BACH2: variants seen among roughly 807,000 people sequenced by gnomAD.
The protein encoded by BACH2 is BACH transcriptional regulator 2, also known as transcription regulator protein BACH2.
In BACH2, 5 loss-of-function variants were observed where a neutral mutation model predicts 61.8. The ratio of observed to expected loss-of-function variants is 0.08; its 90% CI spans 0.04 to 0.17. The LOEUF (loss-of-function observed/expected upper bound fraction) is 0.17. BACH2 is among the 10% of genes least tolerant of loss of function. BACH2 has a pLI of 1.00. For synonymous variants in BACH2, 446 were observed against 440.1 expected, an observed-to-expected ratio of 1.01 and a Z score of -0.17; for missense variants, 824 against 1,091.1, an observed-to-expected ratio of 0.76 and a Z score of 3.45.
chr6:90,254,365 G>A (rs1770910396), intron 2 of BACH2, among the ~76,000 whole-genome samples: 1 of 151,618 alleles, frequency 6.6e-6, no homozygotes, highest in Admixed American at 6.6e-5. Context: ...TTTTAAAATG[G>A]GTATATTAAA....
At chr6:90,091,884 T>C (rs1162113307) in intron 4 of BACH2, among the ~76,000 whole-genome samples, 2 of 152,182 alleles carry the variant, frequency 1.3e-5, no homozygotes, top group Non-Finnish European at 2.9e-5. Flanking sequence ...CTTTACTTCA[T>C]AATTTAAGCA....
At chr6:90,169,380 A>T (rs1220827974) in intron 4 of BACH2, among the ~76,000 whole-genome samples, 1 of 150,668 alleles carries the variant, frequency 6.6e-6, no homozygotes, top group East Asian at 1.9e-4. Flanking sequence ...ATGATGAAAA[A>T]CTCCCTCATG....
chr6:90,147,523 C>G (rs946293700), intron 4 of BACH2, among the ~76,000 whole-genome samples: 1 of 152,148 alleles, frequency 6.6e-6, no homozygotes, highest in South Asian at 2.1e-4. Context: ...TACCCTACAA[C>G]AGTAGTTTCA....
intron 6 of BACH2, among the ~76,000 whole-genome samples, chr6:89,976,373 C>T (rs1010738026): frequency 6.6e-6 from 1 of 152,238 alleles, no homozygotes; most frequent in Non-Finnish European, 1.5e-5. Context: ...CCTTAGGGGG[C>T]ATCTGTAAGG....
chr6:89,950,886 A>G lies in BACH2; in HGVS notation c.1220T>C (p.Met407Thr). The G allele has an allele frequency of 6.2e-7, 1 of 1,603,852 alleles. No homozygotes were observed. Among genetic ancestry groups the G allele is most frequent in the Non-Finnish European group, 8.5e-7 (1 of 1,174,376 alleles). The change falls in exon 7 of 9, where the codon ATG (methionine) becomes ACG (threonine). Residue 407 changes from methionine to threonine, a missense_variant. By Grantham distance (81) the Met-to-Thr change is moderately conservative (BLOSUM62 -1). Around this residue, in one of 8 missense-constraint regions of BACH2, gnomAD observed 226 missense variants for 228.5 expected, o/e 0.99. Coordinates refer to ENST00000257749, the MANE Select transcript of BACH2 (RefSeq NM_021813.4). This position sits in a 1 kb window ranked among gnomAD's most constrained non-coding sequence, Gnocchi z 5.3. ...CCCAGGCCCCCTGAGGGGCGACCCCATGGTGAAGTTGGACACCTCCTTCTG... is the reference window on the plus strand; with the variant it reads ...CCCAGGCCCCCTGAGGGGCGACCCCGTGGTGAAGTTGGACACCTCCTTCTG... Reference protein sequence around the residue: ...VGQKEVSNFTMGSPLRGPGLE... With the variant: ...VGQKEVSNFTTGSPLRGPGLE...
At chr6:89,977,311 T>C (rs1775704771) in intron 6 of BACH2, among the ~76,000 whole-genome samples, 1 of 152,240 alleles carries the variant, frequency 6.6e-6, no homozygotes, top group Non-Finnish European at 1.5e-5. Flanking sequence ...TAATCCTAAA[T>C]TCTGCTATTA....
chr6:90,008,649 G>A lies in BACH2; in HGVS notation c.196C>T (p.Leu66=). The A allele has an allele frequency of 6.2e-7, 1 of 1,614,172 alleles. No homozygotes were observed. Residue 66 remains leucine, a synonymous_variant, in exon 6 of 9, where the codon CTG becomes TTG. Transcript: ENST00000257749. The surrounding 1 kb of genome is among the most constrained non-coding windows in gnomAD (Gnocchi z 4.1). ...AAATCATTTTTTGTCTGTCCAACCA[G>A]CGCCTGCCAAAAATATTCACTGCAT... ...AACSEYFWQA[L]VGQTKNDLVV...
intron 2 of BACH2, among the ~76,000 whole-genome samples, chr6:90,260,276 T>C (rs985220013): frequency 7.2e-5 from 11 of 152,214 alleles, no homozygotes; most frequent in African/African-American, 2.7e-4. Context: ...AAGGCATTTT[T>C]TAAATTTATC....
Position 90,012,351 on chromosome 6 carries a change from C to A in BACH2, c.-12-3495G>T, listed in dbSNP as rs374739055. Among the ~76,000 whole-genome samples, 318 of 152,056 alleles carry A rather than the reference C, an allele frequency of 2.1e-3. 2 individuals carry two copies. Among genetic ancestry groups the A allele is most frequent in the African/African-American group, 7.0e-3 (292 of 41,488 alleles). On this transcript the variant is annotated intron_variant, in intron 5 of 8. Transcript: ENST00000257749. ...ATCATCTTGAATTTTTCTCAGCAGC[C>A]GGGCATGGTGGCTTACGCCTGTAAT...
In BACH2 at chr6:89,950,742, T is replaced by C. The variant is rs370180369; in HGVS notation, c.1364A>G (p.Asp455Gly). 1.2e-5 allele frequency: 19 copies of C among 1,614,110 alleles called. No homozygotes were observed. The highest frequency in any genetic ancestry group is 3.3e-4 in the Middle Eastern group (2 of 6,062). ...TGGCACCGGCTCAGAGAGGTCTTTGTCCAAACTGCTCACCCCAGAATAAGA... is the reference window on the plus strand; with the variant it reads ...TGGCACCGGCTCAGAGAGGTCTTTGCCCAAACTGCTCACCCCAGAATAAGA... ...VHSYSGVSSL[D>G]KDLSEPVPKG... Residue 455 changes from aspartate (D) to glycine (G), a missense_variant, in exon 7 of 9, where the codon GAC becomes GGC. Around this residue, in one of 8 missense-constraint regions of BACH2, gnomAD observed 102 missense variants for 98.1 expected, o/e 1.04. Transcript: ENST00000257749. This position sits in a 1 kb window ranked among gnomAD's most constrained non-coding sequence, Gnocchi z 5.3.
chr6:90,051,565 A>C (rs1422177500), intron 5 of BACH2, among the ~76,000 whole-genome samples: 1 of 152,194 alleles, frequency 6.6e-6, no homozygotes, highest in African/African-American at 2.4e-5. Flanking sequence ...TTTTACAAAA[A>C]AAGTTTACCA....
chr6:90,231,575 A>G (rs1324113213), intron 3 of BACH2, among the ~76,000 whole-genome samples: 1 of 152,198 alleles, frequency 6.6e-6, no homozygotes, highest in Non-Finnish European at 1.5e-5. Flanking sequence ...GGCAACCCCT[A>G]GATGTTAGAT....
intron 6 of BACH2, among the ~76,000 whole-genome samples, chr6:89,964,280 G>A (rs967781895): frequency 9.2e-5 from 14 of 151,824 alleles, no homozygotes; most frequent in Admixed American, 2.6e-4. Context: ...TCAGGGGCTG[G>A]GGGAAGAAAA....
At chr6:90,148,280 A>G (rs1183286322) in intron 4 of BACH2, among the ~76,000 whole-genome samples, 1 of 152,214 alleles carries the variant, frequency 6.6e-6, no homozygotes, top group Non-Finnish European at 1.5e-5. Context: ...TACTGATCTA[A>G]TCAGAAACCA....
At chr6:90,085,290 C>T (rs913691238) in intron 5 of BACH2, among the ~76,000 whole-genome samples, 4 of 152,162 alleles carry the variant, frequency 2.6e-5, no homozygotes, top group Non-Finnish European at 4.4e-5. Context: ...TCATTTTCTA[C>T]TGCGCTGGAA....
chr6:90,142,775 T>A (rs1440099754), intron 4 of BACH2, among the ~76,000 whole-genome samples: 1 of 152,178 alleles, frequency 6.6e-6, no homozygotes, highest in Non-Finnish European at 1.5e-5. Context: ...AGATTTAAAT[T>A]TTCTTCTGTT....
intron 5 of BACH2, among the ~76,000 whole-genome samples, chr6:90,059,796 TA>T (rs1312499683): frequency 1.3e-5 from 2 of 151,630 alleles, no homozygotes; most frequent in African/African-American, 4.9e-5. Flanking sequence ...TATGCAGCCA[TA>T]AAAAATGATG....
intron 6 of BACH2, among the ~76,000 whole-genome samples, chr6:89,977,287 G>GT (rs1445529278): frequency 1.3e-5 from 2 of 152,090 alleles, no homozygotes; most frequent in African/African-American, 4.8e-5. Flanking sequence ...TGTACAGAAG[G>GT]TTAGCTATTA....
chr6:90,173,380 T>C (rs1470474237), intron 4 of BACH2, among the ~76,000 whole-genome samples: 1 of 152,132 alleles, frequency 6.6e-6, no homozygotes, highest in Non-Finnish European at 1.5e-5. Context: ...TTATCCACAA[T>C]AGTTGAAAAA....
Sources: gnomAD v4.1 joint callset for allele counts (sites outside exome capture counted in the v4.1 genomes callset) on GRCh38, gnomAD v4.1.1 for gene constraint, gnomAD v4.1.1 regional missense constraint, Gnocchi (gnomAD v3.1) non-coding constraint, MANE v1.5 for transcripts, NCBI Gene and HGNC (gene_info 2026-07-23, HGNC 2026-07-21) for gene names.